The following GIT2 variants were observed in gnomAD, a reference collection of about 807,000 sequenced individuals.
GIT2 encodes GIT ArfGAP 2, also known as ARF GTPase-activating protein GIT2.
A neutral mutation model predicts 100.3 loss-of-function variants in GIT2; 32 were observed. The ratio of observed to expected loss-of-function variants is 0.32; its 90% CI spans 0.24 to 0.43. The LOEUF (loss-of-function observed/expected upper bound fraction) is 0.43. Ranked by LOEUF, GIT2 falls within the 20% of genes least tolerant of loss-of-function variation. The pLI, the probability that GIT2 is intolerant of heterozygous loss-of-function variation, is 1.00. For synonymous variants in GIT2, 353 were observed against 364.1 expected (o/e 0.97, Z 0.35); for missense variants, 737 against 975.1 (o/e 0.76, Z 3.25).
chr12:109,979,023 C>T (rs1885724142), intron 7 of GIT2, among the ~76,000 whole-genome samples: 1 of 152,192 alleles, frequency 6.6e-6, no homozygotes, highest in Non-Finnish European at 1.5e-5. Context: ...TGAGGTTCTG[C>T]CTCCTGGGCA....
At chr12:109,966,912 G>A (rs764047311) in intron 8 of GIT2, among the ~76,000 whole-genome samples, 1 of 151,916 alleles carries the variant, frequency 6.6e-6, no homozygotes, top group South Asian at 2.1e-4. Flanking sequence ...AAATGTTTGG[G>A]GGCAAAAAGA....
At chr12:109,979,997 C>T (rs536369981) in intron 7 of GIT2, among the ~76,000 whole-genome samples, 3 of 152,348 alleles carry the variant, frequency 2.0e-5, no homozygotes, top group Admixed American at 6.5e-5. Context: ...TTCAACTCTG[C>T]TGTTGTTATG....
In GIT2 at chr12:109,930,449, T is replaced by C. The variant is rs1406463292; in HGVS notation, c.*2529A>G. On this transcript the variant is annotated 3_prime_UTR_variant, in exon 20 of 20. Transcript: ENST00000355312. The stretch of plus-strand genomic sequence containing the variant: ...AGGTACGGAATCCATGTGCAAAAGG[T>C]GGCTGGAACAAATGTTCAGATAAGG... 1 of 152,602 alleles carries C rather than the reference T, an allele frequency of 6.6e-6. No individual in the cohort carries two copies. The highest frequency in any genetic ancestry group is 2.4e-5 in the African/African-American group (1 of 41,408). The allele number at this position is 152,602 out of a possible 1,614,324, so 9.5% of individuals were successfully genotyped here. A position where few individuals can be genotyped will look rare whatever the true frequency, so the allele number is the denominator to read the frequency against.
chr12:109,977,040 A>G (rs539288923), intron 7 of GIT2, among the ~76,000 whole-genome samples: 2 of 152,056 alleles, frequency 1.3e-5, no homozygotes, highest in East Asian at 3.9e-4. Flanking sequence ...TTTCCCTTCC[A>G]CCCAAAGAAC....
Position 109,938,516 on chromosome 12 carries a change from C to T in GIT2, c.1867G>A (p.Val623Ile), listed in dbSNP as rs1873676153. 1.2e-6 allele frequency: 2 copies of T among 1,612,692 alleles called. No homozygotes were observed. Among genetic ancestry groups the T allele is most frequent in the East Asian group, 2.2e-5 (1 of 44,878 alleles). ...ACATGGGGTTCTGCTGTGTCTGGTA[C>T]CAAGCCATCCCCTGGCCACACCATA... Reference protein sequence around the residue: ...RSMVWPGDGLVPDTAEPHVAP... With the variant: ...RSMVWPGDGLIPDTAEPHVAP... Residue 623 changes from valine (V) to isoleucine (I), a missense_variant, in exon 18 of 20, where the codon GTA (valine) becomes ATA (isoleucine). Transcript: ENST00000355312.
chr12:109,983,242 C>T (rs1886676401), intron 6 of GIT2, 131 bp downstream of exon 6: 4 of 831,110 alleles, frequency 4.8e-6, no homozygotes, highest in Non-Finnish European at 7.6e-6. Flanking sequence ...GAAATGTCTT[C>T]ATCTGTAAAA....
At chr12:109,940,987 T>A (rs1186345313) in intron 16 of GIT2, among the ~76,000 whole-genome samples, 1 of 150,800 alleles carries the variant, frequency 6.6e-6, no homozygotes, top group Non-Finnish European at 1.5e-5. Context: ...ACCTGGTGGG[T>A]ACAGGCAAGG....
At chr12:109,937,181 T>C (rs1290199755) in intron 18 of GIT2, among the ~76,000 whole-genome samples, 2 of 152,206 alleles carry the variant, frequency 1.3e-5, no homozygotes, top group African/African-American at 4.8e-5. Flanking sequence ...TATTCCCTTC[T>C]TTCCTAGTGG....
intron 8 of GIT2, among the ~76,000 whole-genome samples, chr12:109,966,402 G>A (rs192858960): frequency 1.1e-3 from 162 of 151,438 alleles, no homozygotes; most frequent in African/African-American, 3.8e-3. Context: ...CCAGCAACTC[G>A]GGAGGCGGAG....
At chr12:109,975,349 G>C (rs1275753722) in intron 7 of GIT2, among the ~76,000 whole-genome samples, 1 of 152,032 alleles carries the variant, frequency 6.6e-6, no homozygotes, top group African/African-American at 2.4e-5. Flanking sequence ...GAGACTATGG[G>C]CATGCACCAC....
rs1035573980 is a variant in GIT2, at chr12:109,962,536, A to C, written c.817-851T>G. 1.3e-5 allele frequency among the ~76,000 whole-genome samples: 2 copies of C among 152,034 alleles called. No individual in the cohort carries two copies. Among genetic ancestry groups the C allele is most frequent in the African/African-American group, 2.4e-5 (1 of 41,400 alleles). Reference sequence around the variant, plus strand: ...ACAGCCTGACTCTTCAGCACACAACAACCACCTCACAGCCTGCAGTGCCTC... The same window carrying C: ...ACAGCCTGACTCTTCAGCACACAACCACCACCTCACAGCCTGCAGTGCCTC... On this transcript the variant is annotated intron_variant, in intron 9 of 19. Transcript: ENST00000355312. This position sits in a 1 kb window ranked among gnomAD's most constrained non-coding sequence, Gnocchi z 4.3.
rs543737456 is a variant in GIT2 at position 109,967,503 on chromosome 12, T to G, written c.719A>C (p.Asp240Ala). 1 of 1,595,692 alleles carries G rather than the reference T, an allele frequency of 6.3e-7. No individual in the cohort carries two copies. The highest frequency in any genetic ancestry group is 1.1e-5 in the South Asian group (1 of 90,700). ...LAFYLCGRKP[D>A]HKNGQHFIIP... The stretch of plus-strand genomic sequence containing the variant: ...TATAAAGTGCTGTCCATTTTTGTGA[T>G]CTGAAACAGAAACCAAGTCAAAGTT... The change falls in exon 8 of 20, where the codon GAT (aspartate) becomes GCT (alanine). Residue 240 changes from aspartate to alanine, a missense_variant and splice_region_variant. By Grantham distance (126) the Asp-to-Ala change is moderately radical. This residue lies in a region of GIT2 where 266 missense variants were observed against 376.2 expected (regional missense o/e 0.71). Transcript: ENST00000355312.
intron 11 of GIT2, 132 bp from the exon 12 acceptor site, chr12:109,960,090 T>C (rs376674653): frequency 1.1e-4 from 73 of 658,000 alleles, no homozygotes; most frequent in Non-Finnish European, 2.7e-6. Context: ...GTACAATTAA[T>C]CCCAGCCATA....
chr12:109,944,954 G>C (rs1334582144), intron 16 of GIT2, among the ~76,000 whole-genome samples: 3 of 152,154 alleles, frequency 2.0e-5, no homozygotes, highest in Admixed American at 6.5e-5. Context: ...CCAGCAGCCA[G>C]CTAATTTTCT....
At chr12:109,980,812 C>T (rs1388595503) in intron 7 of GIT2, 140 bp downstream of exon 7, 3 of 656,822 alleles carry the variant, frequency 4.6e-6, no homozygotes, top group Non-Finnish European at 5.5e-6. Context: ...CTGTAGTTAT[C>T]CTTTCAAATT....
chr12:109,958,551 G>A (rs987516478), intron 12 of GIT2, among the ~76,000 whole-genome samples: 1 of 152,054 alleles, frequency 6.6e-6, no homozygotes, highest in Non-Finnish European at 1.5e-5. Context: ...GCCATTTTAA[G>A]ACTTTAAACT....
At chr12:109,940,991 G>C (rs1389167501) in intron 16 of GIT2, among the ~76,000 whole-genome samples, 1 of 151,256 alleles carries the variant, frequency 6.6e-6, no homozygotes, top group Non-Finnish European at 1.5e-5. Flanking sequence ...GGTGGGTACA[G>C]GCAAGGCAGC....
chr12:109,966,279 C>T (rs1411608750), intron 8 of GIT2, among the ~76,000 whole-genome samples: 5 of 146 alleles, frequency 0.034, no homozygotes, highest in Admixed American at 0.083. Context: ...CAGGTGTGAG[C>T]CACTGCCCTG....
intron 12 of GIT2, chr12:109,954,548 A>G (rs1160643295): frequency 6.6e-6 from 1 of 152,144 alleles, no homozygotes; most frequent in Non-Finnish European, 1.5e-5. Context: ...TTTCCCAGAG[A>G]TGTTGAGGAA....
Sources: allele counts gnomAD v4.1 joint callset (sites outside exome capture counted in the v4.1 genomes callset), GRCh38; gene constraint gnomAD v4.1.1; regional missense constraint gnomAD v4.1.1; non-coding constraint Gnocchi (gnomAD v3.1); transcripts MANE v1.5; gene names NCBI Gene and HGNC (gene_info 2026-07-23, HGNC 2026-07-21).